FYN: variants seen among roughly 807,000 people sequenced by gnomAD.
The protein encoded by FYN is FYN proto-oncogene, Src family tyrosine kinase.
FYN carries 10 observed loss-of-function variants against 70.2 expected under a neutral mutation model. The observed-to-expected ratio is 0.14, with a 90% CI of 0.09 to 0.24. The LOEUF (loss-of-function observed/expected upper bound fraction) is 0.24. Among genes scored for constraint, FYN ranks in the 10% least tolerant of loss-of-function variants. The pLI, the probability that FYN is intolerant of heterozygous loss-of-function variation, is 1.00. For synonymous variants in FYN, 236 were observed against 248.6 expected (o/e 0.95, Z 0.48); for missense variants, 319 against 673.1 (o/e 0.47, Z 5.82).
chr6:111,866,380 C>T (rs1371285642), intron 1 of FYN, among the ~76,000 whole-genome samples: 2 of 152,152 alleles, frequency 1.3e-5, no homozygotes, highest in African/African-American at 2.4e-5. Context: ...CTCACTCTCT[C>T]GCCCAGGATG....
At chr6:111,868,409 T>G (rs1774175970) in intron 1 of FYN, among the ~76,000 whole-genome samples, 1 of 151,940 alleles carries the variant, frequency 6.6e-6, no homozygotes, top group African/African-American at 2.4e-5. Context: ...AGACCCAGCT[T>G]TAAATAATCA....
At chr6:111,762,687 G>T (rs767668774) in intron 3 of FYN, among the ~76,000 whole-genome samples, 4 of 152,042 alleles carry the variant, frequency 2.6e-5, no homozygotes, top group African/African-American at 9.7e-5. Flanking sequence ...TGTCTCTTGT[G>T]GGGGAAGTCT....
chr6:111,867,071 C>G (rs1774128001), intron 1 of FYN, among the ~76,000 whole-genome samples: 1 of 152,230 alleles, frequency 6.6e-6, no homozygotes, highest in Admixed American at 6.5e-5. Flanking sequence ...CCTGGGCTTG[C>G]TCTCTGCCCT....
chr6:111,682,797 C>G (rs1477675710), intron 12 of FYN, among the ~76,000 whole-genome samples: 1 of 152,210 alleles, frequency 6.6e-6, no homozygotes, highest in East Asian at 1.9e-4. Flanking sequence ...GTTTCCTTGT[C>G]TGTAAACTGG....
intron 13 of FYN, among the ~76,000 whole-genome samples, chr6:111,665,941 C>T (rs903048085): frequency 6.6e-6 from 1 of 151,332 alleles, no homozygotes; most frequent in Non-Finnish European, 1.5e-5. Context: ...CTTTTTATTA[C>T]ACTTCCAACT....
intron 9 of FYN, chr6:111,699,742 G>T: frequency 7.0e-7 from 1 of 1,430,156 alleles, no homozygotes; most frequent in Non-Finnish European, 9.5e-7. Flanking sequence ...TAGGAAAGAT[G>T]GAAGGTGACT....
At position 111,672,268 on chromosome 6, in the gene FYN, G is replaced by A. The variant is rs562845097; in HGVS notation, c.1405+2231C>T. ...TGAGGAAACCTACTTGGCTTCCAAG[G>A]TCTGGCTTACTTGCCTTCCCTACAC... On this transcript the variant is annotated intron_variant, in intron 13 of 13. Transcript: ENST00000354650. Among the ~76,000 whole-genome samples, 4 of 152,176 alleles carry A rather than the reference G, an allele frequency of 2.6e-5. No homozygotes were observed. The South Asian group carries it at 8.3e-4, about 32-fold the overall frequency.
intron 6 of FYN, among the ~76,000 whole-genome samples, chr6:111,704,646 C>T (rs542371545): frequency 6.6e-6 from 1 of 152,010 alleles, no homozygotes; most frequent in South Asian, 2.1e-4. Context: ...CCCAGGTACT[C>T]GGGAGGCTGA....
chr6:111,870,402 G>A (rs543825885), intron 1 of FYN, among the ~76,000 whole-genome samples: 3 of 152,156 alleles, frequency 2.0e-5, no homozygotes, highest in South Asian at 2.1e-4. Flanking sequence ...AAGAATAAAC[G>A]TCTATTGCTT....
intron 2 of FYN, among the ~76,000 whole-genome samples, chr6:111,822,019 T>C (rs1772680656): frequency 6.6e-6 from 1 of 152,218 alleles, no homozygotes; most frequent in South Asian, 2.1e-4. Flanking sequence ...GGAACACTTT[T>C]ACACTGTTGG....
intron 12 of FYN, among the ~76,000 whole-genome samples, chr6:111,693,642 C>T (rs922248077): frequency 3.9e-5 from 6 of 152,142 alleles, no homozygotes; most frequent in African/African-American, 9.6e-5. Context: ...GGTGGGATGG[C>T]GGGGATGATG....
chr6:111,714,306 C>A, intron 5 of FYN, 41 bp downstream of exon 5: 1 of 1,376,440 alleles, frequency 7.3e-7, no homozygotes, highest in Non-Finnish European at 1.0e-6. Context: ...CCCTTCCCAA[C>A]CTGAAAGGTA....
chr6:111,714,644 C>G (rs117182866), intron 4 of FYN, among the ~76,000 whole-genome samples: 2,007 of 152,284 alleles, frequency 0.013, 21 homozygotes, highest in Non-Finnish European at 0.019. Context: ...GGAAGCCTTA[C>G]TGTATCTGAA....
intron 12 of FYN, among the ~76,000 whole-genome samples, chr6:111,692,024 C>T (rs950659916): frequency 6.6e-6 from 1 of 152,072 alleles, no homozygotes; most frequent in African/African-American, 2.4e-5. Flanking sequence ...CTCTGCCACT[C>T]CCTACCCCTC....
chr6:111,872,661 G>A (rs1215800890), intron 1 of FYN, among the ~76,000 whole-genome samples: 1 of 152,006 alleles, frequency 6.6e-6, no homozygotes, highest in African/African-American at 2.4e-5. Context: ...GAGGGCGGGG[G>A]CGGAGTCTGG....
intron 12 of FYN, among the ~76,000 whole-genome samples, chr6:111,679,042 C>T (rs1798671741): frequency 6.6e-6 from 1 of 152,292 alleles, no homozygotes; most frequent in Admixed American, 6.5e-5. Context: ...TACCTACTTC[C>T]CCAGCTGCTT....
At chr6:111,843,693 G>A (rs1372915893) in intron 2 of FYN, among the ~76,000 whole-genome samples, 1 of 152,122 alleles carries the variant, frequency 6.6e-6, no homozygotes, top group Non-Finnish European at 1.5e-5. Flanking sequence ...ACTCATTCAT[G>A]CCTGCTCAAT....
chr6:111,823,698 C>T (rs1772745781), intron 2 of FYN, among the ~76,000 whole-genome samples: 1 of 151,982 alleles, frequency 6.6e-6, no homozygotes, highest in Non-Finnish European at 1.5e-5. Context: ...AATCCAAGCT[C>T]TTGTATCATG....
rs1034761939 is a variant in FYN at position 111,873,197 on chromosome 6, C to G, written c.-352G>C. The G allele has an allele frequency of 6.8e-6, 1 of 147,704 alleles. No individual in the cohort carries two copies. Among genetic ancestry groups the G allele is most frequent in the Non-Finnish European group, 1.5e-5 (1 of 66,522 alleles). The allele number at this position is 147,704 out of a possible 1,614,324, so 9.1% of individuals were successfully genotyped here. On this transcript the variant is annotated 5_prime_UTR_variant, in exon 1 of 14. Coordinates refer to ENST00000354650, the MANE Select transcript of FYN (RefSeq NM_002037.5). ...CGCGGGCGGCGGCTTTGTGTGCGCCCGGGCGGTCCTCGGTGCGCTGGGAGA... is the reference window on the plus strand; with the variant it reads ...CGCGGGCGGCGGCTTTGTGTGCGCCGGGGCGGTCCTCGGTGCGCTGGGAGA...
Sources: gnomAD v4.1 joint callset for allele counts (sites outside exome capture counted in the v4.1 genomes callset) on GRCh38, gnomAD v4.1.1 for gene constraint, MANE v1.5 for transcripts, NCBI Gene and HGNC (gene_info 2026-07-23, HGNC 2026-07-21) for gene names.